The following ELK3 variants were observed in gnomAD, a reference collection of about 807,000 sequenced individuals.
ELK3 encodes ETS transcription factor ELK3.
ELK3 carries 10 observed loss-of-function variants against 28.9 expected under a neutral mutation model. The ratio of observed to expected loss-of-function variants is 0.35; its 90% CI spans 0.21 to 0.59. ELK3 has a LOEUF of 0.59. Among genes scored for constraint, ELK3 ranks in the 20% least tolerant of loss-of-function variants. The pLI is 0.82. For missense variants in ELK3, 463 were observed against 517.3 expected (o/e 0.90, Z 1.02); for synonymous variants, 272 against 243.5 (o/e 1.12, Z -1.09).
chr12:96,212,921 G>A (rs1951587217), intron 1 of ELK3: 2 of 152,148 alleles, frequency 1.3e-5, no homozygotes, highest in South Asian at 4.1e-4. Context: ...TTTTGGAAGA[G>A]TCTGTGAAGT....
rs11108440 is a variant in ELK3, at chr12:96,210,795, C to G, written c.-2-12770C>G. On this transcript the variant is annotated intron_variant, in intron 1 of 4. Coordinates refer to ENST00000228741, the MANE Select transcript of ELK3 (RefSeq NM_005230.4). ...TGGATTCAAAGATTCTTTCTTGAAACAACCCAACTGGAGCAGCTGGAGACA... is the reference window on the plus strand; with the variant it reads ...TGGATTCAAAGATTCTTTCTTGAAAGAACCCAACTGGAGCAGCTGGAGACA... Among the ~76,000 whole-genome samples, 1,855 of 152,294 alleles carry G rather than the reference C, an allele frequency of 0.012. 104 individuals are homozygous for G. The East Asian group carries it at 0.18, about 15-fold the overall frequency.
rs924024553 is a variant in ELK3, at chr12:96,210,682, A to G, written c.-2-12883A>G. ...CTTGTATCGAGAACCACCCTTGCTT[A>G]TTTAGTGTTGGGTGAACCTTGAACC... On this transcript the variant is annotated intron_variant, in intron 1 of 4. Coordinates refer to ENST00000228741, the MANE Select transcript of ELK3 (RefSeq NM_005230.4). Among the ~76,000 whole-genome samples the G allele has an allele frequency of 3.3e-5, 5 of 152,132 alleles. No homozygotes were observed. The East Asian group carries it at 9.7e-4, about 29-fold the overall frequency.
At chr12:96,246,702 C>T (rs927027190) in intron 2 of ELK3, among the ~76,000 whole-genome samples, 7 of 152,020 alleles carry the variant, frequency 4.6e-5, no homozygotes, top group East Asian at 3.9e-4. Flanking sequence ...ACTTTACAGA[C>T]GAGGAAACTC....
chr12:96,267,128 T>A lies in ELK3; in HGVS notation c.1172T>A (p.Leu391Gln). 6.2e-7 allele frequency: 1 copy of A among 1,613,602 alleles called. No homozygotes were observed. The highest frequency in any genetic ancestry group is 2.2e-5 in the East Asian group (1 of 44,892). Residue 391 changes from leucine to glutamine, a missense_variant, in exon 5 of 5, where the codon CTG becomes CAG. This residue lies in a region of ELK3 where 408 missense variants were observed against 414.8 expected (regional missense o/e 0.98). Coordinates refer to ENST00000228741, the MANE Select transcript of ELK3 (RefSeq NM_005230.4). ...CACATGCCAGTGCCAATCCCCAGTCTGGACAGAGCTGCTTCTCCAGTACTG... is the reference window on the plus strand; with the variant it reads ...CACATGCCAGTGCCAATCCCCAGTCAGGACAGAGCTGCTTCTCCAGTACTG... ...NGHMPVPIPS[L>Q]DRAASPVLLS...
intron 3 of ELK3, among the ~76,000 whole-genome samples, chr12:96,252,781 C>T (rs1034068093): frequency 2.0e-5 from 3 of 152,150 alleles, no homozygotes; most frequent in Admixed American, 1.3e-4. Flanking sequence ...CTGTTGAAGA[C>T]GCTGTGAATA....
chr12:96,200,179 G>A (rs1951499744), intron 1 of ELK3, among the ~76,000 whole-genome samples: 1 of 151,868 alleles, frequency 6.6e-6, no homozygotes, highest in East Asian at 1.9e-4. Flanking sequence ...AAATGTTTAT[G>A]ATTTATTTGT....
intron 2 of ELK3, among the ~76,000 whole-genome samples, chr12:96,229,034 C>G (rs561082355): frequency 1.3e-5 from 2 of 152,182 alleles, no homozygotes; most frequent in Admixed American, 1.3e-4. Context: ...CTGACTTCAT[C>G]GTGGCCTTCT....
chr12:96,258,266 T>C (rs1034578968), intron 3 of ELK3, among the ~76,000 whole-genome samples: 12 of 152,230 alleles, frequency 7.9e-5, no homozygotes, highest in African/African-American at 2.7e-4. Context: ...AATGGGAAGC[T>C]TATTCAAAAC....
At chr12:96,266,981 G>A (rs964881221) in intron 4 of ELK3, 101 bp from the exon 5 acceptor site, 50 of 848,424 alleles carry the variant, frequency 5.9e-5, no homozygotes, top group Middle Eastern at 2.3e-4. Flanking sequence ...CAGGGGTGAT[G>A]AGAGAAATGG....
rs1163614482 is a variant in ELK3, at chr12:96,267,334, T to TTTAAAAACTGTTTTTGATATATTC, written c.*155_*178dup. ...GGATAGTCTAGATTTATGTTAGCAT[T>TTTAAAAACTGTTTTTGATATATTC]TTAAAAACTGTTTTTGATATATTCA... On this transcript the variant is annotated 3_prime_UTR_variant, in exon 5 of 5. Coordinates refer to ENST00000228741, the MANE Select transcript of ELK3 (RefSeq NM_005230.4). The TTTAAAAACTGTTTTTGATATATTC allele has an allele frequency of 1.7e-5, 10 of 583,916 alleles. No individual in the cohort carries two copies. The highest frequency in any genetic ancestry group is 2.9e-5 in the Non-Finnish European group (10 of 344,232). The allele number at this position is 583,916 out of a possible 1,614,324, so 36.2% of individuals were successfully genotyped here.
intron 1 of ELK3, among the ~76,000 whole-genome samples, chr12:96,197,841 C>T (rs545226721): frequency 6.6e-6 from 1 of 152,162 alleles, no homozygotes; most frequent in Non-Finnish European, 1.5e-5. Flanking sequence ...ACATGTAACT[C>T]TGAGGTCATA....
intron 1 of ELK3, among the ~76,000 whole-genome samples, chr12:96,205,009 A>G (rs1416305219): frequency 6.6e-6 from 1 of 152,172 alleles, no homozygotes; most frequent in African/African-American, 2.4e-5. Flanking sequence ...TGCAAGAGGG[A>G]GGTCTGTGTC....
intron 3 of ELK3, among the ~76,000 whole-genome samples, chr12:96,256,050 CTGAA>C (rs1373797110): frequency 1.2e-4 from 19 of 152,236 alleles, no homozygotes. Flanking sequence ...GAAATGGTGA[CTGAA>C]TGTTGAGTGA....
At chr12:96,221,870 G>A (rs1474510639) in intron 1 of ELK3, among the ~76,000 whole-genome samples, 1 of 152,196 alleles carries the variant, frequency 6.6e-6, no homozygotes, top group African/African-American at 2.4e-5. Context: ...AGCACTCCTA[G>A]TCTACTTTCC....
At chr12:96,239,980 G>A (rs367907336) in intron 2 of ELK3, among the ~76,000 whole-genome samples, 88 of 152,350 alleles carry the variant, frequency 5.8e-4, no homozygotes, top group African/African-American at 2.1e-3. Context: ...TCACATCTGC[G>A]GCTCCGTGTG....
intron 1 of ELK3, among the ~76,000 whole-genome samples, chr12:96,219,999 T>C (rs1156401869): frequency 1.3e-5 from 2 of 152,128 alleles, no homozygotes; most frequent in Non-Finnish European, 2.9e-5. Flanking sequence ...CGGAGCAGTG[T>C]TGCGCATAGC....
At chr12:96,230,409 T>TA (rs1425785252) in intron 2 of ELK3, among the ~76,000 whole-genome samples, 1 of 152,164 alleles carries the variant, frequency 6.6e-6, no homozygotes, top group African/African-American at 2.4e-5. Context: ...AAATTATACT[T>TA]AAAAGGAGAG....
At position 96,209,127 on chromosome 12, in the gene ELK3, A is replaced by T. The variant is rs1325933648; in HGVS notation, c.-3+14422A>T. ...GTGTGCACACGTGCAAAACAGAGAC[A>T]GGGCAGACGTGATGTTAAAGGCCAT... On this transcript the variant is annotated intron_variant, in intron 1 of 4. Coordinates refer to ENST00000228741, the MANE Select transcript of ELK3 (RefSeq NM_005230.4). 9.9e-5 allele frequency among the ~76,000 whole-genome samples: 15 copies of T among 152,238 alleles called. 1 individual carries two copies. The highest frequency in any genetic ancestry group is 9.8e-4 in the Admixed American group (15 of 15,286).
intron 3 of ELK3, among the ~76,000 whole-genome samples, chr12:96,250,973 C>T (rs1336922007): frequency 6.6e-6 from 1 of 152,190 alleles, no homozygotes; most frequent in Non-Finnish European, 1.5e-5. Flanking sequence ...ACACCTCATA[C>T]AGGCATCCCT....
Sources: allele counts gnomAD v4.1 joint callset (sites outside exome capture counted in the v4.1 genomes callset), GRCh38; gene constraint gnomAD v4.1.1; regional missense constraint gnomAD v4.1.1; transcripts MANE v1.5; gene names NCBI Gene and HGNC (gene_info 2026-07-23, HGNC 2026-07-21).